GMDS: variants seen among roughly 807,000 people sequenced by gnomAD.
GMDS encodes the protein GDP-mannose 4,6 dehydratase.
Under a neutral mutation model 49.9 loss-of-function variants are expected in GMDS, and 20 were observed. The ratio of observed to expected loss-of-function variants is 0.40; its 90% CI spans 0.28 to 0.58. The LOEUF (loss-of-function observed/expected upper bound fraction) is 0.58, where lower values mean the gene tolerates loss of function less well. GMDS is among the 20% of genes least tolerant of loss of function. The pLI is 0.42. For synonymous variants in GMDS, 177 were observed against 178.6 expected, an observed-to-expected ratio of 0.99 and a Z score of 0.07; for missense variants, 362 against 481.4, an observed-to-expected ratio of 0.75 and a Z score of 2.32.
At chr6:1,632,616 C>T (rs949488969) in intron 9 of GMDS, among the ~76,000 whole-genome samples, 1 of 152,212 alleles carries the variant, frequency 6.6e-6, no homozygotes. Context: ...ATAGCTCATG[C>T]CTGTAATCCC....
At chr6:1,788,066 G>T (rs989365411) in intron 7 of GMDS, among the ~76,000 whole-genome samples, 1 of 152,114 alleles carries the variant, frequency 6.6e-6, no homozygotes, top group African/African-American at 2.4e-5. Context: ...TGTCAAATTG[G>T]AATATTAACA....
At chr6:2,023,768 G>A (rs758202290) in intron 4 of GMDS, among the ~76,000 whole-genome samples, 2 of 152,100 alleles carry the variant, frequency 1.3e-5, no homozygotes, top group Non-Finnish European at 2.9e-5. Flanking sequence ...AGACAGAGAT[G>A]AGAACATCAT....
chr6:1,763,104 T>C lies in GMDS; in HGVS notation c.772-20518A>G, dbSNP rs78517401. On this transcript the variant is annotated intron_variant, in intron 7 of 10. Coordinates refer to ENST00000380815, the MANE Select transcript of GMDS (RefSeq NM_001500.4). ...CGGTTCCCATTTCTACCAAATTCTT[T>C]CTAAGATCGCAAAGGGAAAGACAAG... 6.0e-3 allele frequency among the ~76,000 whole-genome samples: 916 copies of C among 152,280 alleles called. 11 individuals carry two copies. The highest frequency in any genetic ancestry group is 0.021 in the African/African-American group (868 of 41,552).
In GMDS at chr6:1,983,266, T is replaced by TA. The variant is rs200551101; in HGVS notation, c.346-22301dup. On this transcript the variant is annotated intron_variant, in intron 4 of 10. Transcript: ENST00000380815. Reference sequence around the variant, plus strand: ...AAGACTTAAATGTAAAACCCAAAACTAAAAAATCCCTAGAAGAAAATCTAG... The same window carrying TA: ...AAGACTTAAATGTAAAACCCAAAACTAAAAAAATCCCTAGAAGAAAATCTAG... 5.3e-3 allele frequency among the ~76,000 whole-genome samples: 808 copies of TA among 151,798 alleles called. 4 individuals carry two copies. Among genetic ancestry groups the TA allele is most frequent in the African/African-American group, 0.018 (754 of 41,372 alleles).
At chr6:1,743,279 C>T (rs918014197) in intron 7 of GMDS, among the ~76,000 whole-genome samples, 22 of 152,248 alleles carry the variant, frequency 1.4e-4, no homozygotes, top group South Asian at 1.2e-3. Context: ...TCTAGCAGGG[C>T]GCGGTGGCTC....
chr6:2,198,573 A>C (rs1397672870), intron 1 of GMDS, among the ~76,000 whole-genome samples: 3 of 151,944 alleles, frequency 2.0e-5, no homozygotes, highest in Admixed American at 6.5e-5. Context: ...AAAAAAAAAA[A>C]CAAGAGAATT....
At chr6:2,055,199 C>T (rs1041005924) in intron 4 of GMDS, among the ~76,000 whole-genome samples, 2 of 151,378 alleles carry the variant, frequency 1.3e-5, no homozygotes, top group East Asian at 3.9e-4. Context: ...ATGAAGAGAT[C>T]TTAAGAACCT....
intron 9 of GMDS, among the ~76,000 whole-genome samples, chr6:1,691,090 C>T (rs193046697): frequency 6.6e-6 from 1 of 152,240 alleles, no homozygotes; most frequent in East Asian, 1.9e-4. Flanking sequence ...GTCACAATAG[C>T]AAAGACATGG....
chr6:1,749,061 G>A (rs949682651), intron 7 of GMDS, among the ~76,000 whole-genome samples: 1 of 152,162 alleles, frequency 6.6e-6, no homozygotes, highest in East Asian at 1.9e-4. Flanking sequence ...ACAGCCTGCA[G>A]CTTTAATTCA....
chr6:1,867,132 G>A lies in GMDS; in HGVS notation c.771+62971C>T, dbSNP rs954323334. Among the ~76,000 whole-genome samples the A allele has an allele frequency of 2.6e-5, 4 of 152,146 alleles. No homozygotes were observed. The South Asian group carries it at 8.3e-4, about 32-fold the overall frequency. On this transcript the variant is annotated intron_variant, in intron 7 of 10. Transcript: ENST00000380815. ...TTCCACTCTGATGATATCAATTCTG[G>A]TGAAATCTTTAATAAATGCAAAAGT...
At chr6:2,089,107 T>C (rs1160425487) in intron 4 of GMDS, among the ~76,000 whole-genome samples, 1 of 152,226 alleles carries the variant, frequency 6.6e-6, no homozygotes, top group African/African-American at 2.4e-5. Flanking sequence ...TTTAAAATAC[T>C]GTTATCCAGT....
chr6:1,731,291 G>GA (rs1766794143), intron 8 of GMDS, among the ~76,000 whole-genome samples: 1 of 152,170 alleles, frequency 6.6e-6, no homozygotes, highest in Non-Finnish European at 1.5e-5. Flanking sequence ...AGAGAGTACA[G>GA]AAAAAATGGA....
intron 4 of GMDS, among the ~76,000 whole-genome samples, chr6:2,016,069 AAAAAAAAAAAAATAAATT>A (rs1358098775): frequency 2.0e-3 from 41 of 20,504 alleles, no homozygotes; most frequent in Admixed American, 0.019. Flanking sequence ...CCTGTTTCTA[AAAAAAAAAAAAATAAATT>A]AAAAAAAAAA....
At chr6:1,803,831 G>A (rs980877347) in intron 7 of GMDS, among the ~76,000 whole-genome samples, 1 of 152,136 alleles carries the variant, frequency 6.6e-6, no homozygotes, top group Non-Finnish European at 1.5e-5. Context: ...GAGTGGAGGA[G>A]AGGTTCAGAA....
rs1214152694 is a variant in GMDS at position 1,836,900 on chromosome 6, T to A, written c.771+93203A>T. Among the ~76,000 whole-genome samples the A allele has an allele frequency of 6.6e-6, 1 of 152,248 alleles. No homozygotes were observed. The highest frequency in any genetic ancestry group is 1.5e-5 in the Non-Finnish European group (1 of 68,038). ...GCTTAGACAGAGGGATTTAATGATATCCAGCTGCTATTCTTTGGTACTTGC... is the reference window on the plus strand; with the variant it reads ...GCTTAGACAGAGGGATTTAATGATAACCAGCTGCTATTCTTTGGTACTTGC... On this transcript the variant is annotated intron_variant, in intron 7 of 10. Transcript: ENST00000380815. This position sits in a 1 kb window ranked among gnomAD's most constrained non-coding sequence, Gnocchi z 4.2.
chr6:2,080,685 T>C (rs921815308), intron 4 of GMDS, among the ~76,000 whole-genome samples: 3 of 152,138 alleles, frequency 2.0e-5, no homozygotes, highest in African/African-American at 7.2e-5. Flanking sequence ...AAGTCAGTCT[T>C]CAGGCCCCAT....
At chr6:1,854,500 C>T (rs1219737592) in intron 7 of GMDS, among the ~76,000 whole-genome samples, 1 of 152,208 alleles carries the variant, frequency 6.6e-6, no homozygotes, top group Non-Finnish European at 1.5e-5. Flanking sequence ...GATTTTATCA[C>T]CCAAGCTATA....
intron 4 of GMDS, among the ~76,000 whole-genome samples, chr6:2,079,230 C>T (rs975581685): frequency 9.2e-5 from 14 of 151,664 alleles, no homozygotes; most frequent in Non-Finnish European, 2.1e-4. Context: ...ATCCATTCTG[C>T]CAGGCTGTAG....
Position 1,843,577 on chromosome 6 carries a change from G to C in GMDS, c.771+86526C>G, listed in dbSNP as rs534401461. On this transcript the variant is annotated intron_variant, in intron 7 of 10. Transcript: ENST00000380815. ...AAGCTCATGAGTTTGAGACCAGCCT[G>C]GGCAACATGGCGAAACCTTATCTCT... Among the ~76,000 whole-genome samples the C allele has an allele frequency of 3.3e-5, 5 of 152,264 alleles. No homozygotes were observed. In the South Asian group the frequency reaches 1.0e-3, roughly 32 times the overall value.
Sources: gnomAD v4.1 joint callset for allele counts (sites outside exome capture counted in the v4.1 genomes callset) on GRCh38, gnomAD v4.1.1 for gene constraint, Gnocchi (gnomAD v3.1) non-coding constraint, MANE v1.5 for transcripts, NCBI Gene and HGNC (gene_info 2026-07-23, HGNC 2026-07-21) for gene names.